ABI3BP: variants seen among roughly 807,000 people sequenced by gnomAD.
The protein encoded by ABI3BP is ABI family member 3 binding protein.
In ABI3BP, 216 loss-of-function variants were observed where a neutral mutation model predicts 268.6. The observed-to-expected ratio is 0.80, with a 90% CI of 0.72 to 0.90. The LOEUF is 0.90. ABI3BP is among the 40% of genes least tolerant of loss of function. The probability of loss-of-function intolerance (pLI) is 0.00; values close to 1 mark genes in which losing one functional copy is unlikely to be tolerated. For missense variants in ABI3BP, 2,090 were observed against 2,182.4 expected, an observed-to-expected ratio of 0.96 and a Z score of 0.84; for synonymous variants, 730 against 730.0, an observed-to-expected ratio of 1.00 and a Z score of 0.00.
intron 6 of ABI3BP, among the ~76,000 whole-genome samples, chr3:100,885,001 C>T (rs114100120): frequency 3.9e-4 from 60 of 152,044 alleles, no homozygotes; most frequent in Non-Finnish European, 6.9e-4. Flanking sequence ...AACCGAGTGG[C>T]TGAAGTGACA....
intron 60 of ABI3BP, among the ~76,000 whole-genome samples, 190 bp downstream of exon 60, chr3:100,775,017 A>G (rs1167000389): frequency 1.3e-5 from 2 of 152,202 alleles, no homozygotes; most frequent in South Asian, 2.1e-4. Context: ...TATGTCTGCT[A>G]AGGGAAGGAT....
intron 1 of ABI3BP, among the ~76,000 whole-genome samples, chr3:100,964,262 C>T (rs2080375320): frequency 6.6e-6 from 1 of 152,158 alleles, no homozygotes; most frequent in African/African-American, 2.4e-5. Context: ...CACCAATCAA[C>T]TGGAAAGTCC....
At chr3:100,831,218 T>C (rs1455004718) in intron 31 of ABI3BP, among the ~76,000 whole-genome samples, 1 of 151,940 alleles carries the variant, frequency 6.6e-6, no homozygotes, top group Non-Finnish European at 1.5e-5. Context: ...TGTCACTCTG[T>C]TGAATAGGTG....
intron 10 of ABI3BP, among the ~76,000 whole-genome samples, chr3:100,866,155 T>C (rs1315439460): frequency 6.6e-6 from 1 of 152,186 alleles, no homozygotes; most frequent in East Asian, 1.9e-4. Context: ...AAAAATTCAC[T>C]ACAGATTGGA....
chr3:100,754,753 G>A, intron 63 of ABI3BP, 62 bp from the exon 64 acceptor site: 1 of 1,360,316 alleles, frequency 7.4e-7, no homozygotes, highest in Non-Finnish European at 1.0e-6. Flanking sequence ...AGGCAACATT[G>A]CCCTATTATA....
chr3:100,808,709 A>G (rs73152458), intron 49 of ABI3BP, among the ~76,000 whole-genome samples: 21,020 of 151,980 alleles, frequency 0.14, 1,891 homozygotes, highest in South Asian at 0.27. Flanking sequence ...ACAAAACACA[A>G]TTTTATTGGT....
chr3:100,754,469 C>A (rs2095513316), intron 64 of ABI3BP, 143 bp downstream of exon 64: 4 of 721,176 alleles, frequency 5.5e-6, no homozygotes, highest in Non-Finnish European at 9.3e-6. Flanking sequence ...AAACCTTCAT[C>A]AGTTTGCTTT....
intron 33 of ABI3BP, among the ~76,000 whole-genome samples, chr3:100,829,092 TC>T (rs1435718728): frequency 6.6e-6 from 1 of 151,608 alleles, no homozygotes; most frequent in East Asian, 1.9e-4. Flanking sequence ...CTATTACTCT[TC>T]CCCTGATTTT....
rs934133331 is a variant in ABI3BP at position 100,832,325 on chromosome 3, G to C, written c.2340C>G (p.Thr780=). 2.0e-5 allele frequency: 30 copies of C among 1,534,884 alleles called. No individual in the cohort carries two copies. Among genetic ancestry groups the C allele is most frequent in the Non-Finnish European group, 2.3e-5 (26 of 1,146,504 alleles). Residue 780 remains threonine (T), a synonymous_variant, in exon 31 of 68, where the codon ACC becomes ACG. Coordinates refer to ENST00000471714, the MANE Select transcript of ABI3BP (RefSeq NM_001375547.2). ...TTTTAGGTTTGGGATGTGGACGACG[G>C]GTTCTTTTTGTTGTTGTTGTTGGAG... is the stretch of plus-strand genomic sequence containing the variant. ...SSAPTTTTKR[T]RRPHPKPKTT...
At chr3:100,957,029 A>G (rs2077065067) in intron 1 of ABI3BP, among the ~76,000 whole-genome samples, 1 of 152,212 alleles carries the variant, frequency 6.6e-6, no homozygotes. Flanking sequence ...TTTTGAGCAG[A>G]GAAATGATTA....
At chr3:100,787,122 G>T (rs1372020351) in intron 57 of ABI3BP, among the ~76,000 whole-genome samples, 1 of 152,062 alleles carries the variant, frequency 6.6e-6, no homozygotes, top group Non-Finnish European at 1.5e-5. Context: ...ATGAAGTTGG[G>T]TGTTTGAATA....
At chr3:100,914,175 A>C (rs946163089) in intron 2 of ABI3BP, among the ~76,000 whole-genome samples, 2 of 148,174 alleles carry the variant, frequency 1.3e-5, no homozygotes, top group Admixed American at 1.3e-4. Context: ...TTTCATGTGG[A>C]AAAAAAAAAC....
At chr3:100,751,698 A>G (rs761281353) in intron 66 of ABI3BP, 24 bp from the exon 67 acceptor site, 5 of 1,567,926 alleles carry the variant, frequency 3.2e-6, no homozygotes, top group Non-Finnish European at 3.5e-6. Context: ...AATTAAAAGG[A>G]TAAAGTTTAC....
chr3:100,915,342 G>A (rs781304552), intron 2 of ABI3BP, among the ~76,000 whole-genome samples: 1 of 152,194 alleles, frequency 6.6e-6, no homozygotes, highest in Non-Finnish European at 1.5e-5. Context: ...TGATGCAGGT[G>A]AGAGGGAGAC....
intron 67 of ABI3BP, among the ~76,000 whole-genome samples, chr3:100,751,252 G>C (rs970709043): frequency 2.0e-5 from 3 of 152,070 alleles, no homozygotes; most frequent in African/African-American, 4.8e-5. Context: ...AGTACACTCA[G>C]TATGACAAAA....
intron 1 of ABI3BP, among the ~76,000 whole-genome samples, chr3:100,963,980 T>A (rs2080227399): frequency 6.6e-6 from 1 of 152,226 alleles, no homozygotes; most frequent in Non-Finnish European, 1.5e-5. Context: ...AGAACATTCA[T>A]CTTAGTTTAC....
intron 51 of ABI3BP, 123 bp downstream of exon 51, chr3:100,804,669 G>T: frequency 1.2e-6 from 1 of 856,192 alleles, no homozygotes; most frequent in Non-Finnish European, 1.9e-6. Context: ...TACCACATAT[G>T]ATACAACATG....
intron 1 of ABI3BP, among the ~76,000 whole-genome samples, chr3:100,954,474 T>G (rs1273719416): frequency 6.6e-6 from 1 of 152,222 alleles, no homozygotes; most frequent in Non-Finnish European, 1.5e-5. Flanking sequence ...AGTACATTTA[T>G]TTTTAAAATA....
At chr3:100,784,800 A>T (rs955767033) in intron 57 of ABI3BP, among the ~76,000 whole-genome samples, 1 of 152,140 alleles carries the variant, frequency 6.6e-6, no homozygotes, top group African/African-American at 2.4e-5. Context: ...CAAAAACTAT[A>T]TGTTCTTACT....
Sources: gnomAD v4.1 joint callset for allele counts (sites outside exome capture counted in the v4.1 genomes callset) on GRCh38, gnomAD v4.1.1 for gene constraint, MANE v1.5 for transcripts, NCBI Gene and HGNC (gene_info 2026-07-23, HGNC 2026-07-21) for gene names.